NFX1: variants seen among roughly 807,000 people sequenced by gnomAD.
NFX1 encodes the protein transcriptional repressor NF-X1.
In NFX1, 69 loss-of-function variants were observed where a neutral mutation model predicts 137.2. The ratio of observed to expected loss-of-function variants is 0.50; its 90% CI spans 0.41 to 0.61. NFX1 has a LOEUF of 0.61. NFX1 is among the 20% of genes least tolerant of loss of function. The pLI is 0.00. For missense variants in NFX1, 1,167 were observed against 1,391.0 expected (o/e 0.84, Z 2.56); for synonymous variants, 495 against 474.1 (o/e 1.04, Z -0.57).
intron 19 of NFX1, among the ~76,000 whole-genome samples, chr9:33,362,548 A>G (rs963317895): frequency 6.6e-6 from 1 of 152,202 alleles, no homozygotes; most frequent in Non-Finnish European, 1.5e-5. Flanking sequence ...ACTCATATGT[A>G]GAATATTTAA....
At chr9:33,351,820 T>C in intron 16 of NFX1, 30 bp downstream of exon 16, 4 of 1,528,134 alleles carry the variant, frequency 2.6e-6, no homozygotes, top group Non-Finnish European at 3.5e-6. Flanking sequence ...GATGCAGCAT[T>C]GACTGTAGTT....
At position 33,338,463 on chromosome 9, in the gene NFX1, C is replaced by T. The variant is rs757208353; in HGVS notation, c.2036-47C>T. 5 of 1,500,494 alleles carry T rather than the reference C, an allele frequency of 3.3e-6. No homozygotes were observed. In the South Asian group the frequency reaches 5.8e-5, roughly 17 times the overall value. 92.9% of individuals were successfully genotyped at this position (1,500,494 alleles called of 1,614,324 possible). A position where few individuals can be genotyped will look rare whatever the true frequency, so the allele number is the denominator to read the frequency against. On this transcript the variant is annotated intron_variant, in intron 11 of 23. Transcript: ENST00000379540. ...CTCAAATATTTGTTGTATGAATGTTCATATCCTTTGTCTGGTTTTTTTTTT... is the reference window on the plus strand; with the variant it reads ...CTCAAATATTTGTTGTATGAATGTTTATATCCTTTGTCTGGTTTTTTTTTT...
At position 33,336,960 on chromosome 9, in the gene NFX1, G is replaced by A. The variant is rs369231841; in HGVS notation, c.2036-1550G>A. 1.1e-4 allele frequency among the ~76,000 whole-genome samples: 17 copies of A among 152,156 alleles called. 1 individual carries two copies. The highest frequency in any genetic ancestry group is 4.1e-4 in the South Asian group (2 of 4,820). The stretch of plus-strand genomic sequence containing the variant: ...CTACTAAAAATACAAAAAATTAGCC[G>A]GCATGGTGGCAGGCACCTGTAATCC... On this transcript the variant is annotated intron_variant, in intron 11 of 23. Transcript: ENST00000379540.
intron 19 of NFX1, among the ~76,000 whole-genome samples, chr9:33,359,177 T>C (rs908428456): frequency 6.6e-6 from 1 of 152,252 alleles, no homozygotes; most frequent in African/African-American, 2.4e-5. Context: ...CAATTCCTGT[T>C]ATTTTTTTCC....
At chr9:33,338,976 G>C (rs770187015) in intron 12 of NFX1, among the ~76,000 whole-genome samples, 2 of 151,904 alleles carry the variant, frequency 1.3e-5, no homozygotes, top group Admixed American at 6.6e-5. Context: ...GCTTAGGTCA[G>C]GTCAGTAGGA....
In NFX1 at chr9:33,301,435, C is replaced by G. The variant is rs1410674461; in HGVS notation, c.1192+14C>G. The G allele has an allele frequency of 2.5e-6, 4 of 1,612,546 alleles. No individual in the cohort carries two copies. Among genetic ancestry groups the G allele is most frequent in the Non-Finnish European group, 3.4e-6 (4 of 1,179,362 alleles). ...CATCTCAAGCAGGTCAATTAATTCTCTCTTCTGAGTAGTTATTCTCCCCTA... is the reference window on the plus strand; with the variant it reads ...CATCTCAAGCAGGTCAATTAATTCTGTCTTCTGAGTAGTTATTCTCCCCTA... On this transcript the variant is annotated intron_variant, in intron 3 of 23. Transcript: ENST00000379540.
chr9:33,304,218 T>C (rs1378339351), intron 4 of NFX1, among the ~76,000 whole-genome samples: 1 of 152,156 alleles, frequency 6.6e-6, no homozygotes, highest in African/African-American at 2.4e-5. Context: ...TCCAAGATCA[T>C]GCCATTGCAC....
At chr9:33,304,355 T>C (rs1821680195) in intron 4 of NFX1, among the ~76,000 whole-genome samples, 1 of 152,246 alleles carries the variant, frequency 6.6e-6, no homozygotes, top group African/African-American at 2.4e-5. Context: ...ATAATCTTTT[T>C]GGTAGAGTGA....
chr9:33,313,923 T>C, intron 7 of NFX1, 130 bp downstream of exon 7: 1 of 819,700 alleles, frequency 1.2e-6, no homozygotes, highest in South Asian at 1.7e-5. Flanking sequence ...GAACTGGAGA[T>C]ACGATGCTTA....
rs138587094 is a variant in NFX1, at chr9:33,367,411, C to T, written c.3186-104C>T. 144 of 1,087,594 alleles carry T rather than the reference C, an allele frequency of 1.3e-4. 1 individual carries two copies. The East Asian group carries it at 3.3e-3, about 25-fold the overall frequency. The allele number at this position is 1,087,594 out of a possible 1,614,324, so 67.4% of individuals were successfully genotyped here. On this transcript the variant is annotated intron_variant, in intron 22 of 23. Transcript: ENST00000379540. ...CAGACAGTTCATACCAGAGAGTGCTCAGTAGTGTCATAGTGCCAAAATCAA... is the reference window on the plus strand; with the variant it reads ...CAGACAGTTCATACCAGAGAGTGCTTAGTAGTGTCATAGTGCCAAAATCAA...
At chr9:33,365,766 T>C (rs913372186) in intron 21 of NFX1, 2 of 152,180 alleles carry the variant, frequency 1.3e-5, no homozygotes, top group African/African-American at 2.4e-5. Context: ...TGAAGGGCTA[T>C]TGTATGCTAG....
At chr9:33,297,661 G>A (rs1821405357) in intron 2 of NFX1, among the ~76,000 whole-genome samples, 1 of 152,174 alleles carries the variant, frequency 6.6e-6, no homozygotes, top group African/African-American at 2.4e-5. Context: ...GTAGGACTGA[G>A]GTTCCTGTTT....
rs1824088925 is a variant in NFX1, at chr9:33,363,871, TTC to T, written c.2874-134_2874-133del. The T allele has an allele frequency of 6.2e-6, 3 of 486,270 alleles. No homozygotes were observed. In the Admixed American group the frequency reaches 1.2e-4, roughly 20 times the overall value. 30.1% of individuals were successfully genotyped at this position (486,270 alleles called of 1,614,324 possible). On this transcript the variant is annotated intron_variant, in intron 19 of 23. Coordinates refer to ENST00000379540, the MANE Select transcript of NFX1 (RefSeq NM_002504.6). ...CACCTCATGTCCCAAGTTGTTGTTA[TTC>T]TCTCCTTAATAATCCAGTTTACCAA...
At chr9:33,314,779 G>A (rs1312220639) in intron 7 of NFX1, among the ~76,000 whole-genome samples, 1 of 152,078 alleles carries the variant, frequency 6.6e-6, no homozygotes, top group African/African-American at 2.4e-5. Flanking sequence ...GGAAATTGGG[G>A]GAAGGGACAC....
At chr9:33,306,096 A>G (rs1821744277) in intron 4 of NFX1, among the ~76,000 whole-genome samples, 2 of 152,342 alleles carry the variant, frequency 1.3e-5, no homozygotes, top group Non-Finnish European at 2.9e-5. Context: ...GCACAGAGGC[A>G]GGGAGGCTTT....
intron 19 of NFX1, among the ~76,000 whole-genome samples, chr9:33,355,688 A>G (rs1265955730): frequency 4.7e-4 from 59 of 125,930 alleles, no homozygotes; most frequent in Non-Finnish European, 1.6e-5. Flanking sequence ...CTTGTCGCCT[A>G]GGCTGGAGTG....
chr9:33,310,642 G>C (rs1191452010), intron 5 of NFX1, among the ~76,000 whole-genome samples: 1 of 152,090 alleles, frequency 6.6e-6, no homozygotes, highest in Non-Finnish European at 1.5e-5. Flanking sequence ...CCCAGTGCCT[G>C]ATTATTACTT....
intron 5 of NFX1, among the ~76,000 whole-genome samples, chr9:33,307,723 C>T (rs950268534): frequency 1.1e-4 from 16 of 151,302 alleles, no homozygotes; most frequent in Non-Finnish European, 2.2e-4. Flanking sequence ...TGGGGAAAGA[C>T]AATTGTTTAG....
At chr9:33,298,639 C>T (rs984617813) in intron 2 of NFX1, among the ~76,000 whole-genome samples, 2 of 152,168 alleles carry the variant, frequency 1.3e-5, no homozygotes, top group Non-Finnish European at 2.9e-5. Context: ...TAAAAATTAG[C>T]TGGACGTGGT....
Sources: gnomAD v4.1 joint callset for allele counts (sites outside exome capture counted in the v4.1 genomes callset) on GRCh38, gnomAD v4.1.1 for gene constraint, MANE v1.5 for transcripts, NCBI Gene and HGNC (gene_info 2026-07-23, HGNC 2026-07-21) for gene names.